Variants in HIPK2 observed in about 807,000 individuals in gnomAD.
HIPK2 encodes homeodomain-interacting protein kinase 2.
HIPK2 carries 27 observed loss-of-function variants against 113.7 expected under a neutral mutation model. The ratio of observed to expected loss-of-function variants is 0.24; its 90% CI spans 0.17 to 0.33. The LOEUF (loss-of-function observed/expected upper bound fraction) is 0.33. HIPK2 is among the 10% of genes least tolerant of loss of function. The probability of loss-of-function intolerance (pLI) is 1.00; values close to 1 mark genes in which losing one functional copy is unlikely to be tolerated. For synonymous variants in HIPK2, 631 were observed against 642.2 expected (o/e 0.98, Z 0.26); for missense variants, 1,257 against 1,588.0 (o/e 0.79, Z 3.54).
chr7:139,648,662 A>G (rs1024590806), intron 2 of HIPK2, among the ~76,000 whole-genome samples: 2 of 152,034 alleles, frequency 1.3e-5, no homozygotes, highest in Non-Finnish European at 2.9e-5. Context: ...ATCACTTCCT[A>G]CCGAGCAACG....
At chr7:139,745,222 C>T (rs1482048336) in intron 1 of HIPK2, among the ~76,000 whole-genome samples, 2 of 152,234 alleles carry the variant, frequency 1.3e-5, no homozygotes, top group Non-Finnish European at 2.9e-5. Context: ...TTATAGCTCA[C>T]ATTATTCTGC....
chr7:139,688,102 C>T (rs1048090304), intron 2 of HIPK2, among the ~76,000 whole-genome samples: 1 of 152,192 alleles, frequency 6.6e-6, no homozygotes, highest in African/African-American at 2.4e-5. Flanking sequence ...CCAACACACA[C>T]ACACACGCAG....
At chr7:139,746,895 G>A (rs879552139) in intron 1 of HIPK2, among the ~76,000 whole-genome samples, 5 of 152,078 alleles carry the variant, frequency 3.3e-5, no homozygotes, top group Admixed American at 2.0e-4. Context: ...CACACCCCTC[G>A]CTTGTCTCGG....
In HIPK2 at chr7:139,569,269, AC is replaced by A. The variant is rs1322904828; in HGVS notation, c.*3657del. 1 of 151,838 alleles carries A rather than the reference AC, an allele frequency of 6.6e-6. No individual in the cohort carries two copies. Among genetic ancestry groups the A allele is most frequent in the East Asian group, 1.9e-4 (1 of 5,176 alleles). The allele number at this position is 151,838 out of a possible 1,614,324, so 9.4% of individuals were successfully genotyped here. A position where few individuals can be genotyped will look rare whatever the true frequency, so the allele number is the denominator to read the frequency against. The stretch of plus-strand genomic sequence containing the variant: ...CTGGGGAAGGTACCACCTGCCAGTC[AC>A]TCTTACGCCACCTCACTGTGCCCAG... On this transcript the variant is annotated 3_prime_UTR_variant, in exon 15 of 15. Coordinates refer to ENST00000406875, the MANE Select transcript of HIPK2 (RefSeq NM_022740.5).
chr7:139,679,028 C>T (rs182026531), intron 2 of HIPK2, among the ~76,000 whole-genome samples: 444 of 152,294 alleles, frequency 2.9e-3, no homozygotes, highest in Non-Finnish European at 4.5e-3. Flanking sequence ...TGAGACTTTG[C>T]TGAAGTTGCT....
chr7:139,699,139 C>T (rs1038568437), intron 2 of HIPK2, among the ~76,000 whole-genome samples: 91 of 152,178 alleles, frequency 6.0e-4, no homozygotes, highest in African/African-American at 7.2e-4. Context: ...CAGCAAGAAC[C>T]GTGAGACAGA....
At chr7:139,761,064 G>A (rs1279845677) in intron 1 of HIPK2, among the ~76,000 whole-genome samples, 1 of 152,188 alleles carries the variant, frequency 6.6e-6, no homozygotes, top group Non-Finnish European at 1.5e-5. Context: ...AAAAAACCAC[G>A]TGTTACTACG....
intron 9 of HIPK2, among the ~76,000 whole-genome samples, chr7:139,611,458 T>G (rs1206654067): frequency 6.6e-6 from 1 of 152,160 alleles, no homozygotes; most frequent in Non-Finnish European, 1.5e-5. Context: ...AAAAAGCATA[T>G]GAGTGTCTTA....
rs895818524 is a variant in HIPK2 at position 139,777,973 on chromosome 7, A to T, written c.-350T>A. On this transcript the variant is annotated 5_prime_UTR_variant, in exon 1 of 15. Transcript: ENST00000406875. ...CGGGAGCCGGGGGCAGCGCGCGGCCAGGGCCGGCGGGGCTCAGCTCAGCAT... is the reference window on the plus strand; with the variant it reads ...CGGGAGCCGGGGGCAGCGCGCGGCCTGGGCCGGCGGGGCTCAGCTCAGCAT... Among the ~76,000 whole-genome samples the T allele has an allele frequency of 8.4e-5, 11 of 131,368 alleles. No homozygotes were observed. Among genetic ancestry groups the T allele is most frequent in the Non-Finnish European group, 1.3e-4 (8 of 61,320 alleles). The allele number at this position is 131,368 out of a possible 152,430, so 86.2% of individuals were successfully genotyped here. A position where few individuals can be genotyped will look rare whatever the true frequency, so the allele number is the denominator to read the frequency against.
At chr7:139,593,451 G>A (rs1322071357) in intron 12 of HIPK2, among the ~76,000 whole-genome samples, 1 of 152,226 alleles carries the variant, frequency 6.6e-6, no homozygotes, top group Non-Finnish European at 1.5e-5. Context: ...CATCTGCTGT[G>A]CAACCAACAG....
intron 2 of HIPK2, among the ~76,000 whole-genome samples, chr7:139,678,301 A>T (rs1802574241): frequency 6.6e-6 from 1 of 152,192 alleles, no homozygotes; most frequent in South Asian, 2.1e-4. Flanking sequence ...TGCCATGCCT[A>T]TGTCCTGAAT....
Position 139,630,869 on chromosome 7 carries a change from C to G in HIPK2, c.1347+296G>C, listed in dbSNP as rs1052303151. Among the ~76,000 whole-genome samples the G allele has an allele frequency of 2.0e-5, 3 of 152,228 alleles. No homozygotes were observed. Among genetic ancestry groups the G allele is most frequent in the African/African-American group, 7.2e-5 (3 of 41,462 alleles). ...CCTGTCTCCCTCTGGACTGCCAGCTCTCAAGGGCAGAGTGGGGTTCGTTTC... is the reference window on the plus strand; with the variant it reads ...CCTGTCTCCCTCTGGACTGCCAGCTGTCAAGGGCAGAGTGGGGTTCGTTTC... On this transcript the variant is annotated intron_variant, in intron 4 of 14. Transcript: ENST00000406875. The surrounding 1 kb of genome is among the most constrained non-coding windows in gnomAD (Gnocchi z 4.0).
chr7:139,574,201 A>G (rs1455609560), intron 14 of HIPK2, among the ~76,000 whole-genome samples: 2 of 152,092 alleles, frequency 1.3e-5, no homozygotes, highest in Admixed American at 6.6e-5. Context: ...GGCTCTCACA[A>G]CATCTCTACA....
chr7:139,670,146 G>A (rs1802210272), intron 2 of HIPK2, among the ~76,000 whole-genome samples: 1 of 152,194 alleles, frequency 6.6e-6, no homozygotes, highest in Admixed American at 6.5e-5. Flanking sequence ...AGGCGGGCCT[G>A]AGAAGGTTCA....
In HIPK2 at chr7:139,600,540, A is replaced by C; in HGVS notation, c.2312T>G (p.Leu771Trp). The change falls in exon 11 of 15, where the codon TTG becomes TGG. Residue 771 changes from leucine (L) to tryptophan (W), a missense_variant. Around this residue, in one of 5 missense-constraint regions of HIPK2, gnomAD observed 862 missense variants for 1,004.3 expected, o/e 0.86. Transcript: ENST00000406875. ...YNPIMQQPALLTGHVTLPAAQ... is the reference protein window; with the variant it reads ...YNPIMQQPALWTGHVTLPAAQ... ...TGCTGGAAGGGTCACATGACCGGTC[A>C]ATAGTGCAGGCTGCTGCATGATGGG... 1.2e-6 allele frequency: 2 copies of C among 1,614,040 alleles called. No homozygotes were observed. The highest frequency in any genetic ancestry group is 1.7e-6 in the Non-Finnish European group (2 of 1,179,896).
intron 13 of HIPK2, among the ~76,000 whole-genome samples, chr7:139,578,604 CTTCA>C (rs768279195): frequency 2.0e-5 from 3 of 152,206 alleles, no homozygotes; most frequent in African/African-American, 4.8e-5. Context: ...AGTTATTTTT[CTTCA>C]TTAAGTTTCT....
chr7:139,695,193 G>A (rs997136384), intron 2 of HIPK2, among the ~76,000 whole-genome samples: 4 of 152,224 alleles, frequency 2.6e-5, no homozygotes. Flanking sequence ...TATTCATACT[G>A]TCTCCCACTG....
chr7:139,700,126 G>T (rs1296037885), intron 2 of HIPK2, among the ~76,000 whole-genome samples: 1 of 152,214 alleles, frequency 6.6e-6, no homozygotes, highest in East Asian at 1.9e-4. Context: ...TGTGCGAGGT[G>T]GGGGGAGGGG....
intron 2 of HIPK2, among the ~76,000 whole-genome samples, chr7:139,704,749 G>C (rs1038752967): frequency 6.6e-6 from 1 of 152,156 alleles, no homozygotes; most frequent in Non-Finnish European, 1.5e-5. Flanking sequence ...GGAGGTACCA[G>C]CAGGTGTCAA....
Sources: allele counts gnomAD v4.1 joint callset (sites outside exome capture counted in the v4.1 genomes callset), GRCh38; gene constraint gnomAD v4.1.1; regional missense constraint gnomAD v4.1.1; non-coding constraint Gnocchi (gnomAD v3.1); transcripts MANE v1.5; gene names NCBI Gene and HGNC (gene_info 2026-07-23, HGNC 2026-07-21).